Variants in NCKAP5 observed in about 807,000 individuals in gnomAD.
NCKAP5 encodes the protein nck-associated protein 5.
NCKAP5 carries 92 observed loss-of-function variants against 167.0 expected under a neutral mutation model. The observed-to-expected ratio is 0.55, with a 90% CI of 0.47 to 0.66. The LOEUF is 0.66. Among genes scored for constraint, NCKAP5 ranks in the 30% least tolerant of loss-of-function variants. The pLI is 0.00. For missense variants in NCKAP5, 2,378 were observed against 2,315.0 expected (o/e 1.03, Z -0.56); for synonymous variants, 891 against 877.4 (o/e 1.02, Z -0.27).
intron 16 of NCKAP5, among the ~76,000 whole-genome samples, chr2:132,771,184 T>A (rs981765002): frequency 6.6e-6 from 1 of 152,176 alleles, no homozygotes; most frequent in African/African-American, 2.4e-5. Context: ...GGTGTGTTAT[T>A]GCTTCTGAAG....
chr2:133,305,290 C>A (rs1559368189), intron 3 of NCKAP5, among the ~76,000 whole-genome samples: 1 of 152,082 alleles, frequency 6.6e-6, no homozygotes, highest in Non-Finnish European at 1.5e-5. Flanking sequence ...AGGTTCAAAT[C>A]CTGGTTTTGA....
intron 8 of NCKAP5, among the ~76,000 whole-genome samples, chr2:132,887,693 C>G (rs62178882): frequency 1.3e-5 from 2 of 151,940 alleles, no homozygotes; most frequent in Non-Finnish European, 2.9e-5. Flanking sequence ...GTCACCCAGG[C>G]TGGAGTGTAG....
the NCKAP5 span, among the ~76,000 whole-genome samples, chr2:133,663,131 T>C: frequency 6.6e-6 from 1 of 152,178 alleles, no homozygotes; most frequent in Non-Finnish European, 1.5e-5. Flanking sequence ...CTGGGCGCGG[T>C]GGCGGGCGCC....
chr2:133,102,619 T>C (rs374647593), intron 6 of NCKAP5, among the ~76,000 whole-genome samples: 1 of 152,164 alleles, frequency 6.6e-6, no homozygotes, highest in South Asian at 2.1e-4. Context: ...TATTCCAAAG[T>C]CCAGGTGCTT....
chr2:132,877,856 A>G (rs13005482), intron 9 of NCKAP5, among the ~76,000 whole-genome samples: 75,035 of 151,888 alleles, frequency 0.49, 19,021 homozygotes, highest in East Asian at 0.81. Context: ...AAGACTGACG[A>G]TATATTGGCA....
chr2:133,539,457 A>C (rs1053125749), intron 2 of NCKAP5, among the ~76,000 whole-genome samples: 4 of 152,210 alleles, frequency 2.6e-5, no homozygotes, highest in Non-Finnish European at 5.9e-5. Flanking sequence ...ATAATTCAAC[A>C]TCAAACAAAC....
At chr2:132,947,188 C>T (rs565819337) in intron 8 of NCKAP5, among the ~76,000 whole-genome samples, 16 of 152,054 alleles carry the variant, frequency 1.1e-4, no homozygotes, top group East Asian at 3.9e-4. Flanking sequence ...ACTATAAGAA[C>T]GATAAACTTT....
At chr2:132,734,633 A>G (rs12619898) in intron 16 of NCKAP5, among the ~76,000 whole-genome samples, 32,954 of 152,192 alleles carry the variant, frequency 0.22, 3,882 homozygotes, top group Non-Finnish European at 0.28. Context: ...TATTACAGCT[A>G]TTAGGAGTTC....
Position 133,325,095 on chromosome 2 carries a change from T to C in NCKAP5, c.70-21985A>G, listed in dbSNP as rs79719482. 3.7e-3 allele frequency among the ~76,000 whole-genome samples: 558 copies of C among 152,250 alleles called. 1 individual carries two copies. The highest frequency in any genetic ancestry group is 6.8e-3 in the Middle Eastern group (2 of 294). On this transcript the variant is annotated intron_variant, in intron 3 of 19. Transcript: ENST00000409261. ...ATGTGTAGTGCTAGGAGCCGTTGGATATAACTGTGAAAAAAATGGACGATG... is the reference window on the plus strand; with the variant it reads ...ATGTGTAGTGCTAGGAGCCGTTGGACATAACTGTGAAAAAAATGGACGATG...
At chr2:133,183,939 A>G (rs528183333) in intron 5 of NCKAP5, among the ~76,000 whole-genome samples, 54 of 152,274 alleles carry the variant, frequency 3.5e-4, no homozygotes, top group African/African-American at 1.2e-3. Context: ...GTATGTGCAA[A>G]ACAAAATTTA....
intron 8 of NCKAP5, among the ~76,000 whole-genome samples, chr2:132,934,441 C>T (rs377505927): frequency 3.9e-5 from 6 of 152,138 alleles, no homozygotes; most frequent in Admixed American, 1.3e-4. Context: ...GACTTAGTGG[C>T]GGGTACCTGT....
At chr2:133,149,578 A>G (rs1225615403) in intron 5 of NCKAP5, among the ~76,000 whole-genome samples, 1 of 152,072 alleles carries the variant, frequency 6.6e-6, no homozygotes, top group East Asian at 1.9e-4. Flanking sequence ...CTTAACTACA[A>G]CGATGCCCCA....
chr2:133,437,297 G>C (rs528756053), intron 3 of NCKAP5, among the ~76,000 whole-genome samples: 1 of 151,904 alleles, frequency 6.6e-6, no homozygotes, highest in South Asian at 2.1e-4. Flanking sequence ...AGGTTGCAGT[G>C]AGCCGAGATC....
intron 6 of NCKAP5, among the ~76,000 whole-genome samples, chr2:132,994,558 A>G (rs2077537616): frequency 6.6e-6 from 1 of 152,158 alleles, no homozygotes. Context: ...CACTACATCA[A>G]TCTTCCCAAA....
intron 11 of NCKAP5, among the ~76,000 whole-genome samples, chr2:132,843,999 C>T (rs1452363988): frequency 6.6e-6 from 1 of 151,994 alleles, no homozygotes; most frequent in South Asian, 2.1e-4. Context: ...CCTCTTCCTC[C>T]TTTCCCCTTC....
chr2:132,833,241 T>A (rs1687645493), intron 11 of NCKAP5, among the ~76,000 whole-genome samples: 1 of 152,212 alleles, frequency 6.6e-6, no homozygotes, highest in South Asian at 2.1e-4. Context: ...TGCTGAATTG[T>A]TTGAGTTTCT....
chr2:133,154,109 T>A (rs2083483448), intron 5 of NCKAP5, among the ~76,000 whole-genome samples: 1 of 152,150 alleles, frequency 6.6e-6, no homozygotes, highest in Non-Finnish European at 1.5e-5. Context: ...CCCAAAGTGC[T>A]AGGATTACAG....
At chr2:133,425,235 G>A (rs1204388150) in intron 3 of NCKAP5, among the ~76,000 whole-genome samples, 1 of 152,220 alleles carries the variant, frequency 6.6e-6, no homozygotes, top group Admixed American at 6.5e-5. Context: ...TCGCACAGGT[G>A]AAGAATGGGG....
chr2:133,350,433 A>G (rs1349900812), intron 3 of NCKAP5, among the ~76,000 whole-genome samples: 3 of 152,150 alleles, frequency 2.0e-5, no homozygotes, highest in Non-Finnish European at 2.9e-5. Flanking sequence ...ATGAAAATAT[A>G]TAAATAAATA....
Sources: allele counts gnomAD v4.1 joint callset (sites outside exome capture counted in the v4.1 genomes callset), GRCh38; gene constraint gnomAD v4.1.1; transcripts MANE v1.5; gene names NCBI Gene and HGNC (gene_info 2026-07-23, HGNC 2026-07-21).